Variants in ZFYVE9 observed in about 807,000 individuals in gnomAD.
ZFYVE9 encodes zinc finger FYVE domain-containing protein 9.
ZFYVE9 carries 43 observed loss-of-function variants against 126.7 expected under a neutral mutation model. The ratio of observed to expected loss-of-function variants is 0.34; its 90% CI spans 0.27 to 0.44. The LOEUF is 0.44. Among genes scored for constraint, ZFYVE9 ranks in the 20% least tolerant of loss-of-function variants. The pLI is 1.00. For missense variants in ZFYVE9, 1,476 were observed against 1,697.0 expected (o/e 0.87, Z 2.29); for synonymous variants, 521 against 597.4 (o/e 0.87, Z 1.87).
intron 1 of ZFYVE9, among the ~76,000 whole-genome samples, chr1:52,215,101 A>G (rs945500036): frequency 2.0e-5 from 3 of 152,144 alleles, no homozygotes; most frequent in Non-Finnish European, 4.4e-5. Context: ...ATATTGAAAA[A>G]CTATATATAT....
chr1:52,319,027 G>A (rs1646213288), intron 13 of ZFYVE9, among the ~76,000 whole-genome samples: 1 of 152,136 alleles, frequency 6.6e-6, no homozygotes, highest in African/African-American at 2.4e-5. Flanking sequence ...AGCCTAGGAG[G>A]CAGAGGTTGC....
In ZFYVE9 at chr1:52,334,673, C is replaced by A. The variant is rs570820903; in HGVS notation, c.3590-15C>A. 1 of 1,612,872 alleles carries A rather than the reference C, an allele frequency of 6.2e-7. No individual in the cohort carries two copies. Among genetic ancestry groups the A allele is most frequent in the African/African-American group, 1.3e-5 (1 of 74,980 alleles). On this transcript the variant is annotated splice_polypyrimidine_tract_variant and intron_variant, in intron 14 of 18. Coordinates refer to ENST00000287727, the MANE Select transcript of ZFYVE9 (RefSeq NM_004799.4). ...TAGGGTCTGTCTTACTAAACTATTT[C>A]TATTGCTGTTTTAGTGACTGGTGCC...
intron 17 of ZFYVE9, among the ~76,000 whole-genome samples, chr1:52,342,168 T>C (rs1006736960): frequency 1.3e-5 from 2 of 152,168 alleles, no homozygotes; most frequent in African/African-American, 4.8e-5. Flanking sequence ...GCTGCCTCCT[T>C]TGTAGTCCTC....
chr1:52,282,985 C>T (rs139558129), intron 10 of ZFYVE9, among the ~76,000 whole-genome samples: 2 of 152,236 alleles, frequency 1.3e-5, no homozygotes, highest in African/African-American at 4.8e-5. Flanking sequence ...TTAGTCTCTA[C>T]AATAATTTAG....
chr1:52,295,820 G>T (rs1205267983), intron 11 of ZFYVE9, 75 bp from the exon 12 acceptor site: 1 of 1,226,968 alleles, frequency 8.2e-7, no homozygotes. Context: ...TTTGAAAATT[G>T]TATTAGTCAT....
intron 1 of ZFYVE9, among the ~76,000 whole-genome samples, chr1:52,198,191 G>A (rs1369020604): frequency 8.2e-6 from 1 of 122,070 alleles, no homozygotes; most frequent in African/African-American, 3.0e-5. Context: ...ATGCTATCTC[G>A]GCTCACTACA....
At chr1:52,202,768 C>T (rs1182824904) in intron 1 of ZFYVE9, among the ~76,000 whole-genome samples, 1 of 151,888 alleles carries the variant, frequency 6.6e-6, no homozygotes, top group Non-Finnish European at 1.5e-5. Flanking sequence ...TCACTGCAAC[C>T]TCCGCCTCCC....
At position 52,278,625 on chromosome 1, in the gene ZFYVE9, A is replaced by G; in HGVS notation, c.2869+11A>G. On this transcript the variant is annotated intron_variant, in intron 9 of 18. Transcript: ENST00000287727. The stretch of plus-strand genomic sequence containing the variant: ...TTAAAATTGTAAATTGTAAGTTATA[A>G]ATTTTTAAAAATTAAAATCAGATGT... The G allele has an allele frequency of 6.7e-7, 1 of 1,494,470 alleles. No homozygotes were observed. Among genetic ancestry groups the G allele is most frequent in the Non-Finnish European group, 9.1e-7 (1 of 1,099,508 alleles). The allele number at this position is 1,494,470 out of a possible 1,614,324, so 92.6% of individuals were successfully genotyped here.
At chr1:52,245,704 C>G (rs113687736) in intron 4 of ZFYVE9, among the ~76,000 whole-genome samples, 7 of 152,178 alleles carry the variant, frequency 4.6e-5, no homozygotes, top group African/African-American at 1.7e-4. Context: ...TATTTATTAT[C>G]TAACTTAATC....
In ZFYVE9 at chr1:52,148,481, T is replaced by G. The variant is rs1485094744; in HGVS notation, c.-143+6078T>G. Among the ~76,000 whole-genome samples, 4 of 151,118 alleles carry G rather than the reference T, an allele frequency of 2.6e-5. No homozygotes were observed. The East Asian group carries it at 8.0e-4, about 30-fold the overall frequency. ...CCAGCCTGGGCAAGAAGAGCGAAAC[T>G]CCATCTCAAAAACAAAAAAAGCTGT... On this transcript the variant is annotated intron_variant, in intron 1 of 18. Transcript: ENST00000287727.
At chr1:52,200,039 T>A (rs1644908860) in intron 1 of ZFYVE9, among the ~76,000 whole-genome samples, 1 of 150,572 alleles carries the variant, frequency 6.6e-6, no homozygotes, top group African/African-American at 2.4e-5. Context: ...TTTTTTTTTT[T>A]ATTATTGTTT....
chr1:52,222,911 G>A (rs1387418007), intron 2 of ZFYVE9, among the ~76,000 whole-genome samples: 3 of 152,158 alleles, frequency 2.0e-5, no homozygotes, highest in South Asian at 2.1e-4. Flanking sequence ...TAAGAACTTA[G>A]TAGTGGCCGA....
chr1:52,303,771 C>T, intron 12 of ZFYVE9, 50 bp from the exon 13 acceptor site: 2 of 1,163,930 alleles, frequency 1.7e-6, no homozygotes, highest in Non-Finnish European at 2.4e-6. Flanking sequence ...ATAAATTAAA[C>T]CCTACCATTG....
chr1:52,215,949 G>A (rs1164759286), intron 1 of ZFYVE9, among the ~76,000 whole-genome samples: 1 of 152,102 alleles, frequency 6.6e-6, no homozygotes, highest in East Asian at 1.9e-4. Flanking sequence ...TGAAACTCAA[G>A]AATTCTACAT....
At chr1:52,215,386 A>C (rs184346056) in intron 1 of ZFYVE9, among the ~76,000 whole-genome samples, 188 of 152,220 alleles carry the variant, frequency 1.2e-3, no homozygotes, top group African/African-American at 4.2e-3. Flanking sequence ...TTCATTCTTT[A>C]TTCTTCATTG....
At chr1:52,290,748 C>T (rs1240544642) in intron 10 of ZFYVE9, among the ~76,000 whole-genome samples, 2 of 152,036 alleles carry the variant, frequency 1.3e-5, no homozygotes, top group Non-Finnish European at 2.9e-5. Context: ...TGAAAGTCCC[C>T]CCAAAAATCA....
At chr1:52,147,363 C>G (rs760992554) in intron 1 of ZFYVE9, among the ~76,000 whole-genome samples, 1 of 152,134 alleles carries the variant, frequency 6.6e-6, no homozygotes, top group Non-Finnish European at 1.5e-5. Context: ...TTTAATCACT[C>G]CAAAGAGAAA....
At chr1:52,319,512 T>C (rs1191909596) in intron 13 of ZFYVE9, among the ~76,000 whole-genome samples, 1 of 151,478 alleles carries the variant, frequency 6.6e-6, no homozygotes, top group Non-Finnish European at 1.5e-5. Context: ...TAATCCCAGC[T>C]ACTCAGGAGG....
chr1:52,148,284 G>T (rs1241529652), intron 1 of ZFYVE9, among the ~76,000 whole-genome samples: 2 of 152,048 alleles, frequency 1.3e-5, no homozygotes, highest in Non-Finnish European at 2.9e-5. Context: ...AGACCAGCCT[G>T]GCCAATATGG....
Sources: gnomAD v4.1 joint callset for allele counts (sites outside exome capture counted in the v4.1 genomes callset) on GRCh38, gnomAD v4.1.1 for gene constraint, MANE v1.5 for transcripts, NCBI Gene and HGNC (gene_info 2026-07-23, HGNC 2026-07-21) for gene names.